The following CAPN6 variants were observed in gnomAD, a reference collection of about 807,000 sequenced individuals.
The protein encoded by CAPN6 is calpain-6.
Under a neutral mutation model 46.0 loss-of-function variants are expected in CAPN6, and 16 were observed. The ratio of observed to expected loss-of-function variants is 0.35; its 90% CI spans 0.24 to 0.53. The LOEUF (loss-of-function observed/expected upper bound fraction) is 0.53, where lower values mean the gene tolerates loss of function less well. Among genes scored for constraint, CAPN6 ranks in the 20% least tolerant of loss-of-function variants. The pLI, the probability that CAPN6 is intolerant of heterozygous loss-of-function variation, is 0.94. For missense variants in CAPN6, 461 were observed against 498.0 expected (o/e 0.93, Z 0.71); for synonymous variants, 206 against 172.8 (o/e 1.19, Z -1.51).
intron 1 of CAPN6, among the ~76,000 whole-genome samples, chrX:111,268,180 C>T (rs185875016): frequency 3.6e-4 from 40 of 111,511 alleles, no homozygotes; most frequent in African/African-American, 1.3e-3. Flanking sequence ...GATGTACCTA[C>T]TGGCCCAGAG....
intron 2 of CAPN6, among the ~76,000 whole-genome samples, 172 bp downstream of exon 2, chrX:111,263,600 C>A (rs755097437): frequency 1.8e-5 from 2 of 110,097 alleles, no homozygotes; most frequent in Non-Finnish European, 1.9e-5. Context: ...ATAACATACA[C>A]AATTTTTATT....
Position 111,253,103 on chromosome X carries a change from A to G in CAPN6, c.411T>C (p.Asp137=), listed in dbSNP as rs773235292. The change falls in exon 4 of 13, where the codon GAT becomes GAC. Residue 137 remains aspartate, a synonymous_variant. Coordinates refer to ENST00000324068, the MANE Select transcript of CAPN6 (RefSeq NM_014289.4). ...CTCCGTTAATGGTGGGCAACAAGTC[A>G]TCAATCACCACTTCAGTCCATTCTC... ...HFGEWTEVVI[D]DLLPTINGDL... 3 of 1,207,486 alleles carry G rather than the reference A, an allele frequency of 2.5e-6. No homozygotes were observed. Among genetic ancestry groups the G allele is most frequent in the Non-Finnish European group, 3.4e-6 (3 of 891,200 alleles).
intron 1 of CAPN6, among the ~76,000 whole-genome samples, chrX:111,266,233 CAAAAAAAAAAAA>C (rs36058551): frequency 2.3e-4 from 8 of 34,324 alleles, no homozygotes; most frequent in African/African-American, 9.4e-4. Context: ...GACTCCGTCT[CAAAAAAAAAAAA>C]AAAAAAAAAA....
intron 12 of CAPN6, 46 bp from the exon 13 acceptor site, chrX:111,246,805 G>T: frequency 9.3e-7 from 1 of 1,073,588 alleles, no homozygotes; most frequent in East Asian, 3.0e-5. Context: ...CCCTCAGTGA[G>T]ATTAGCCTTT....
chrX:111,250,735 CAT>C (rs1208271006), intron 8 of CAPN6, among the ~76,000 whole-genome samples, 180 bp downstream of exon 8: 2 of 111,736 alleles, frequency 1.8e-5, no homozygotes, highest in Non-Finnish European at 3.8e-5. Context: ...TGCAAAAAGA[CAT>C]AGTCTGCTGT....
chrX:111,255,479 G>C (rs183476268), intron 2 of CAPN6, among the ~76,000 whole-genome samples: 1 of 112,875 alleles, frequency 8.9e-6, no homozygotes, highest in Non-Finnish European at 1.9e-5. Flanking sequence ...AAATACCAAT[G>C]CATTCTTGAC....
chrX:111,259,187 A>T (rs1367319661), intron 2 of CAPN6, among the ~76,000 whole-genome samples: 1 of 112,837 alleles, frequency 8.9e-6, no homozygotes, highest in Non-Finnish European at 1.9e-5. Context: ...GAGTTTCACA[A>T]TATATAAATT....
rs759959821 is a variant in CAPN6 at position 111,246,271 on chromosome X, C to T, written c.*306G>A. ...AACATCAAAGACATCTGTAGGGTGT[C>T]CAGCCTCTTGTTATTGTCCTACTTG... is the stretch of plus-strand genomic sequence containing the variant. On this transcript the variant is annotated 3_prime_UTR_variant, in exon 13 of 13. Coordinates refer to ENST00000324068, the MANE Select transcript of CAPN6 (RefSeq NM_014289.4). The T allele has an allele frequency of 1.2e-4, 34 of 279,505 alleles. No individual in the cohort carries two copies. Among genetic ancestry groups the T allele is most frequent in the Non-Finnish European group, 2.0e-4 (32 of 160,012 alleles). 23.0% of individuals were successfully genotyped at this position (279,505 alleles called of 1,213,427 possible). A position where few individuals can be genotyped will look rare whatever the true frequency, so the allele number is the denominator to read the frequency against.
intron 3 of CAPN6, 120 bp from the exon 4 acceptor site, chrX:111,253,336 T>C (rs1349273167): frequency 1.8e-6 from 1 of 554,254 alleles, no homozygotes; most frequent in East Asian, 3.4e-5. Flanking sequence ...TACACCTGGT[T>C]TGAGTCTGGA....
At chrX:111,265,346 C>T (rs1436221809) in intron 1 of CAPN6, among the ~76,000 whole-genome samples, 1 of 112,391 alleles carries the variant, frequency 8.9e-6, no homozygotes, top group Non-Finnish European at 1.9e-5. Flanking sequence ...CAAACTTACC[C>T]TTTCTCTGAA....
At position 111,251,723 on chromosome X, in the gene CAPN6, T is replaced by C. The variant is rs749020757; in HGVS notation, c.719A>G (p.Gln240Arg). The change falls in exon 6 of 13, where the codon CAA becomes CGA. Residue 240 changes from glutamine to arginine, a missense_variant. Transcript: ENST00000324068. The stretch of plus-strand genomic sequence containing the variant: ...CAGACCCCAATCAGTTTCAACTTCT[T>C]GCTCCTCCTGATTGGGAGACTGAGA... ...CSIESPNQEEQEVETDWGLLK... is the reference protein window; with the variant it reads ...CSIESPNQEEREVETDWGLLK... 2.5e-6 allele frequency: 3 copies of C among 1,206,891 alleles called. No individual in the cohort carries two copies. Among genetic ancestry groups the C allele is most frequent in the African/African-American group, 3.5e-5 (2 of 57,614 alleles).
At chrX:111,253,702 AT>A (rs888762306) in intron 3 of CAPN6, among the ~76,000 whole-genome samples, 21 of 112,092 alleles carry the variant, frequency 1.9e-4, no homozygotes, top group African/African-American at 6.1e-4. Context: ...ATGTTTAGGA[AT>A]TTTTTTTGTA....
Position 111,254,286 on chromosome X carries a change from A to G in CAPN6, c.283T>C (p.Ser95Pro), listed in dbSNP as rs2094982024. ...SAFSCLAVQE[S>P]HWTKTIPNHK... is the part of the protein sequence containing the mutation. ...AGGGATAATACCTTTGTCCAATGAG[A>G]CTCCTGAACAGCCAAACAGGAAAAT... Residue 95 changes from serine (S) to proline (P), a missense_variant, in exon 3 of 13, where the codon TCT (serine) becomes CCT (proline). Physicochemically the swap from Ser to Pro is moderately conservative, Grantham distance 74. Coordinates refer to ENST00000324068, the MANE Select transcript of CAPN6 (RefSeq NM_014289.4). 1 of 1,205,555 alleles carries G rather than the reference A, an allele frequency of 8.3e-7. No individual in the cohort carries two copies. Among genetic ancestry groups the G allele is most frequent in the Non-Finnish European group, 1.1e-6 (1 of 891,148 alleles).
At chrX:111,261,085 A>C (rs1049635632) in intron 2 of CAPN6, among the ~76,000 whole-genome samples, 3 of 112,491 alleles carry the variant, frequency 2.7e-5, no homozygotes, top group African/African-American at 9.7e-5. Context: ...TGTGGCATCA[A>C]CACAGTGAAG....
At chrX:111,267,580 G>C (rs1456711440) in intron 1 of CAPN6, among the ~76,000 whole-genome samples, 1 of 111,382 alleles carries the variant, frequency 9.0e-6, no homozygotes, top group Non-Finnish European at 1.9e-5. Flanking sequence ...AAAATCTCTT[G>C]CTTCTTAACC....
At chrX:111,268,309 G>A (rs1208512399) in intron 1 of CAPN6, among the ~76,000 whole-genome samples, 2 of 112,346 alleles carry the variant, frequency 1.8e-5, no homozygotes, top group Non-Finnish European at 3.8e-5. Context: ...GAACACAGGT[G>A]GTTACAAGAT....
Position 111,250,977 on chromosome X carries a change from G to A in CAPN6, c.1098C>T (p.Pro366=), listed in dbSNP as rs759493881. ...AGCAGCCTCCTGAGCGGTTCATCAGGGGATCATCATCCACAGTCCAGCATC... is the reference window on the plus strand; with the variant it reads ...AGCAGCCTCCTGAGCGGTTCATCAGAGGATCATCATCCACAGTCCAGCATC... The part of the protein sequence containing the change: ...VLGCWTVDDD[P]LMNRSGGCYN... Residue 366 remains proline (P), a synonymous_variant, in exon 8 of 13, where the codon CCC becomes CCT. Transcript: ENST00000324068. 1 of 1,209,215 alleles carries A rather than the reference G, an allele frequency of 8.3e-7. No individual in the cohort carries two copies.
intron 2 of CAPN6, among the ~76,000 whole-genome samples, chrX:111,259,586 C>G (rs2094986350): frequency 8.9e-6 from 1 of 112,120 alleles, no homozygotes; most frequent in Admixed American, 9.4e-5. Flanking sequence ...CCCTCCCACT[C>G]TCAACCAGAC....
chrX:111,259,165 C>T lies in CAPN6; in HGVS notation c.165+4607G>A, dbSNP rs17886101. On this transcript the variant is annotated intron_variant, in intron 2 of 12. Coordinates refer to ENST00000324068, the MANE Select transcript of CAPN6 (RefSeq NM_014289.4). ...TTACTAAAAATCATTGCTTTGTATA[C>T]TTAAAACAGGTGAGTTTCACAATAT... is the stretch of plus-strand genomic sequence containing the variant. Among the ~76,000 whole-genome samples, 369 of 112,628 alleles carry T rather than the reference C, an allele frequency of 3.3e-3. 3 individuals carry two copies. The highest frequency in any genetic ancestry group is 0.011 in the African/African-American group (351 of 30,992).
Sources: gnomAD v4.1 joint callset for allele counts (sites outside exome capture counted in the v4.1 genomes callset) on GRCh38, gnomAD v4.1.1 for gene constraint, MANE v1.5 for transcripts, NCBI Gene and HGNC (gene_info 2026-07-23, HGNC 2026-07-21) for gene names.